The following IFT80 variants were observed in gnomAD, a reference collection of about 807,000 sequenced individuals.
IFT80 encodes intraflagellar transport protein 80 homolog.
A neutral mutation model predicts 107.9 loss-of-function variants in IFT80; 79 were observed. The observed-to-expected ratio is 0.73, with a 90% confidence interval of 0.61 to 0.88. IFT80 has a LOEUF of 0.88. Ranked by LOEUF, IFT80 falls within the 40% of genes least tolerant of loss-of-function variation. IFT80 has a pLI of 0.00. For synonymous variants in IFT80, 299 were observed against 300.9 expected (o/e 0.99, Z 0.07); for missense variants, 797 against 914.2 (o/e 0.87, Z 1.65).
intron 9 of IFT80, among the ~76,000 whole-genome samples, chr3:160,312,244 T>C (rs1365846079): frequency 6.6e-6 from 1 of 151,964 alleles, no homozygotes; most frequent in African/African-American, 2.4e-5. Flanking sequence ...GCAGGTGGTG[T>C]CTTCAAATTT....
intron 6 of IFT80, among the ~76,000 whole-genome samples, chr3:160,361,006 G>T (rs1185497976): frequency 6.6e-6 from 1 of 152,140 alleles, no homozygotes; most frequent in African/African-American, 2.4e-5. Flanking sequence ...CATCACGTCA[G>T]GATCAAATTC....
chr3:160,348,404 C>T (rs951688906), intron 8 of IFT80, among the ~76,000 whole-genome samples: 6 of 152,134 alleles, frequency 3.9e-5, no homozygotes, highest in Admixed American at 2.6e-4. Context: ...AGCAGAACAG[C>T]TGCTATTAGA....
intron 2 of IFT80, chr3:160,384,333 G>C: frequency 9.4e-7 from 1 of 1,068,136 alleles, no homozygotes; most frequent in Non-Finnish European, 1.2e-6. Flanking sequence ...TACTTAAGTA[G>C]AGTAAGAAAA....
rs1466884033 is a variant in IFT80 at position 160,277,306 on chromosome 3, C to T, written c.2099G>A (p.Arg700Lys). 1 of 1,611,580 alleles carries T rather than the reference C, an allele frequency of 6.2e-7. No individual in the cohort carries two copies. The highest frequency in any genetic ancestry group is 8.5e-7 in the Non-Finnish European group (1 of 1,179,334). Residue 700 changes from arginine to lysine, a missense_variant and splice_region_variant, in exon 18 of 20, where the codon AGG becomes AAG. Coordinates refer to ENST00000326448, the MANE Select transcript of IFT80 (RefSeq NM_020800.3). ...AACTGATGGAAAGCATTCTTATTAC[C>T]TTTCCCAGTTGTAGAGATTAATATT... ...QININLYNWE[R>K]ALELAVKYKT...
chr3:160,387,895 T>G (rs536493507), intron 1 of IFT80, among the ~76,000 whole-genome samples: 1 of 152,176 alleles, frequency 6.6e-6, no homozygotes, highest in East Asian at 1.9e-4. Context: ...GGCATTAAGA[T>G]TCCAGAAGAA....
intron 8 of IFT80, among the ~76,000 whole-genome samples, chr3:160,349,846 C>T (rs1720551133): frequency 6.6e-6 from 1 of 152,062 alleles, no homozygotes; most frequent in African/African-American, 2.4e-5. Context: ...GGTCAACTTA[C>T]TCTAAGCTGA....
intron 9 of IFT80, among the ~76,000 whole-genome samples, chr3:160,318,856 G>A (rs542234169): frequency 2.6e-5 from 4 of 152,094 alleles, no homozygotes; most frequent in Admixed American, 6.6e-5. Context: ...ATAAAACCTA[G>A]AAAGGATTTT....
Position 160,277,567 on chromosome 3 carries a change from CATTA to C in IFT80, c.1926+10_1926+13del. The C allele has an allele frequency of 1.3e-6, 2 of 1,599,220 alleles. No individual in the cohort carries two copies. The highest frequency in any genetic ancestry group is 2.7e-5 in the African/African-American group (2 of 74,684). On this transcript the variant is annotated intron_variant, in intron 17 of 19. Transcript: ENST00000326448. ...AAAAACACATGTACATATATGTAAA[CATTA>C]ATTACTTACTTCACCAATTGCTGCA...
chr3:160,284,742 G>A (rs942198277), intron 13 of IFT80, among the ~76,000 whole-genome samples: 2 of 152,144 alleles, frequency 1.3e-5, no homozygotes, highest in African/African-American at 4.8e-5. Flanking sequence ...AGGAAAAAGG[G>A]TTGGGAAAGC....
intron 9 of IFT80, among the ~76,000 whole-genome samples, chr3:160,315,451 G>A (rs186106909): frequency 9.8e-5 from 15 of 152,292 alleles, no homozygotes; most frequent in Non-Finnish European, 1.6e-4. Flanking sequence ...TGTAAGGGAA[G>A]CCCTCTGGGG....
intron 19 of IFT80, among the ~76,000 whole-genome samples, chr3:160,259,432 T>G (rs1712636736): frequency 6.6e-6 from 1 of 152,192 alleles, no homozygotes. Flanking sequence ...AGCCTAGTTA[T>G]GAGGAAAGAC....
chr3:160,331,379 T>C (rs1295951282), intron 8 of IFT80, among the ~76,000 whole-genome samples: 1 of 152,176 alleles, frequency 6.6e-6, no homozygotes, highest in Non-Finnish European at 1.5e-5. Context: ...ATAAAACTTA[T>C]GCATTCTTTT....
chr3:160,345,729 T>G (rs1007829956), intron 8 of IFT80, among the ~76,000 whole-genome samples: 3 of 149,168 alleles, frequency 2.0e-5, no homozygotes, highest in African/African-American at 7.4e-5. Flanking sequence ...AGGATGGTTA[T>G]CAGAGGCTGG....
intron 12 of IFT80, among the ~76,000 whole-genome samples, chr3:160,293,456 C>T (rs1158153033): frequency 6.6e-6 from 1 of 152,170 alleles, no homozygotes; most frequent in East Asian, 1.9e-4. Flanking sequence ...AATTAAAAGC[C>T]TCCTATCTCT....
At chr3:160,346,114 A>G (rs562007110) in intron 8 of IFT80, among the ~76,000 whole-genome samples, 1 of 152,312 alleles carries the variant, frequency 6.6e-6, no homozygotes, top group African/African-American at 2.4e-5. Flanking sequence ...GGTGGTGCGT[A>G]GTGGGGAATG....
intron 6 of IFT80, among the ~76,000 whole-genome samples, chr3:160,358,095 C>A (rs536699546): frequency 4.6e-4 from 70 of 152,176 alleles, no homozygotes; most frequent in South Asian, 8.3e-4. Context: ...GCAGTCTCGA[C>A]CTCCCACATT....
At chr3:160,288,192 G>A (rs906613277) in intron 12 of IFT80, among the ~76,000 whole-genome samples, 7 of 152,148 alleles carry the variant, frequency 4.6e-5, no homozygotes, top group African/African-American at 1.7e-4. Flanking sequence ...AATTAGCCAG[G>A]CGTGGCAGCC....
chr3:160,383,614 C>A lies in IFT80; in HGVS notation c.37+950G>T, dbSNP rs376362374. Reference sequence around the variant, plus strand: ...TCAAATTGCTACAAAAATTTCTCAGCCCTTACTTTCAATTTATTTACCTAT... The same window carrying A: ...TCAAATTGCTACAAAAATTTCTCAGACCTTACTTTCAATTTATTTACCTAT... On this transcript the variant is annotated intron_variant, in intron 2 of 19. Transcript: ENST00000326448. 14 of 951,756 alleles carry A rather than the reference C, an allele frequency of 1.5e-5. No homozygotes were observed. In the East Asian group the frequency reaches 4.6e-4, roughly 32 times the overall value. The allele number at this position is 951,756 out of a possible 1,614,324, so 59.0% of individuals were successfully genotyped here.
chr3:160,277,692 ATTATC>A (rs1714375268), intron 16 of IFT80, 22 bp from the exon 17 acceptor site: 1 of 1,519,410 alleles, frequency 6.6e-7, no homozygotes, highest in Admixed American at 1.7e-5. Context: ...TATGAGAACA[ATTATC>A]TTAACTATGT....
Sources: allele counts gnomAD v4.1 joint callset (sites outside exome capture counted in the v4.1 genomes callset), GRCh38; gene constraint gnomAD v4.1.1; transcripts MANE v1.5; gene names NCBI Gene and HGNC (gene_info 2026-07-23, HGNC 2026-07-21).